The following PCDH11X variants were observed in gnomAD, a reference collection of about 807,000 sequenced individuals.
PCDH11X encodes the protein protocadherin 11 X-linked, also known as protocadherin-11 X-linked.
In PCDH11X, 18 loss-of-function variants were observed where a neutral mutation model predicts 53.3. That is an observed-to-expected ratio of 0.34 (90% CI 0.23 to 0.50). The LOEUF (loss-of-function observed/expected upper bound fraction) is 0.50. Among genes scored for constraint, PCDH11X ranks in the 20% least tolerant of loss-of-function variants. The pLI is 0.98. For missense variants in PCDH11X, 570 were observed against 1,032.4 expected (o/e 0.55, Z 6.14); for synonymous variants, 279 against 393.3 (o/e 0.71, Z 3.44).
rs779399059 is a variant in PCDH11X at position 91,783,880 on chromosome X, A to C, written c.-379+4196A>C. Among the ~76,000 whole-genome samples the C allele has an allele frequency of 2.7e-5, 3 of 112,388 alleles. No homozygotes were observed. In the Admixed American group the frequency reaches 2.8e-4, roughly 11 times the overall value. On this transcript the variant is annotated intron_variant, in intron 1 of 10. Coordinates refer to ENST00000682573, the MANE Select transcript of PCDH11X (RefSeq NM_032968.5). ...AATTAGTCACCTACTGTGCCAGACA[A>C]TGTGATAAATGGTGTAATTGAACAT...
At chrX:92,361,196 G>T (rs2070338678) in intron 8 of PCDH11X, among the ~76,000 whole-genome samples, 1 of 108,134 alleles carries the variant, frequency 9.2e-6, no homozygotes, top group African/African-American at 3.4e-5. Context: ...TCTTTATTTT[G>T]GTTACTGTCT....
At chrX:92,578,601 T>G in intron 10 of PCDH11X, among the ~76,000 whole-genome samples, 1 of 110,068 alleles carries the variant, frequency 9.1e-6, no homozygotes, top group Non-Finnish European at 1.9e-5. Context: ...ATTTGCTTGG[T>G]AATTTTTTCT....
chrX:91,788,407 AT>A (rs2147515042), intron 1 of PCDH11X, among the ~76,000 whole-genome samples: 1 of 112,443 alleles, frequency 8.9e-6, no homozygotes, highest in East Asian at 2.8e-4. Flanking sequence ...TGCATTAAGT[AT>A]TTTATTTTTT....
chrX:92,120,155 C>CTTTTTTTTTT (rs764997941), intron 6 of PCDH11X, among the ~76,000 whole-genome samples: 33 of 60,675 alleles, frequency 5.4e-4, no homozygotes, highest in Non-Finnish European at 7.5e-4. Context: ...ACTTTTCTTT[C>CTTTTTTTTTT]TTTTTTTTTT....
chrX:92,200,464 CA>C (rs1439008550), intron 6 of PCDH11X, among the ~76,000 whole-genome samples: 3 of 111,977 alleles, frequency 2.7e-5, no homozygotes. Context: ...ATGGATATAT[CA>C]AAAAGATACT....
chrX:92,465,729 G>A (rs906773700), intron 9 of PCDH11X, among the ~76,000 whole-genome samples: 4 of 111,328 alleles, frequency 3.6e-5, no homozygotes, highest in African/African-American at 1.3e-4. Context: ...ATGCGATAAT[G>A]TAGCATGTTT....
chrX:92,204,370 A>G (rs2066441437), intron 7 of PCDH11X, among the ~76,000 whole-genome samples: 1 of 111,893 alleles, frequency 8.9e-6, no homozygotes, highest in Non-Finnish European at 1.9e-5. Flanking sequence ...CTTCTGCCAG[A>G]CACCATAAAT....
At chrX:92,067,473 T>C (rs1377042923) in intron 6 of PCDH11X, among the ~76,000 whole-genome samples, 1 of 111,836 alleles carries the variant, frequency 8.9e-6, no homozygotes, top group Non-Finnish European at 1.9e-5. Context: ...GATTTGTGTA[T>C]GTGGAGTCAT....
chrX:92,407,996 T>G (rs1372284775), intron 9 of PCDH11X, among the ~76,000 whole-genome samples: 1 of 109,390 alleles, frequency 9.1e-6, no homozygotes, highest in Non-Finnish European at 1.9e-5. Flanking sequence ...GCAATTCTCC[T>G]GCCTCAGCCT....
At chrX:91,975,277 G>A (rs968123137) in intron 6 of PCDH11X, among the ~76,000 whole-genome samples, 3 of 112,019 alleles carry the variant, frequency 2.7e-5, no homozygotes, top group Non-Finnish European at 5.6e-5. Context: ...GAAAAATAGA[G>A]ATGTCAAGAT....
intron 10 of PCDH11X, among the ~76,000 whole-genome samples, chrX:92,518,735 G>C (rs2074312360): frequency 9.5e-6 from 1 of 104,922 alleles, no homozygotes; most frequent in South Asian, 4.3e-4. Context: ...ATTCACTATG[G>C]CTTACCAATA....
chrX:92,344,492 T>TG (rs1284523136), intron 8 of PCDH11X, among the ~76,000 whole-genome samples: 1 of 102,654 alleles, frequency 9.7e-6, no homozygotes, highest in East Asian at 3.4e-4. Flanking sequence ...CTGGAATAGA[T>TG]GAGGGGGATT....
At chrX:92,398,993 C>G (rs4314818) in intron 9 of PCDH11X, among the ~76,000 whole-genome samples, 1 of 108,004 alleles carries the variant, frequency 9.3e-6, no homozygotes, top group East Asian at 3.1e-4. Flanking sequence ...GAGATTGAGA[C>G]CATCCTGGCT....
At chrX:92,475,946 T>C (rs2073373643) in intron 10 of PCDH11X, among the ~76,000 whole-genome samples, 1 of 111,659 alleles carries the variant, frequency 9.0e-6, no homozygotes, top group Non-Finnish European at 1.9e-5. Context: ...TTCTACTTGA[T>C]CAATTCTGTT....
rs765287080 is a variant in PCDH11X, at chrX:91,893,306, G to T, written c.3033+14033G>T. On this transcript the variant is annotated intron_variant, in intron 6 of 10. Coordinates refer to ENST00000682573, the MANE Select transcript of PCDH11X (RefSeq NM_032968.5). Reference sequence around the variant, plus strand: ...AAAGGAAAAATTTAATGCATTTATTGATCTGGATATAGTCCATATACAAAG... The same window carrying T: ...AAAGGAAAAATTTAATGCATTTATTTATCTGGATATAGTCCATATACAAAG... 3.7e-5 allele frequency among the ~76,000 whole-genome samples: 4 copies of T among 108,041 alleles called. No homozygotes were observed. The South Asian group carries it at 1.6e-3, about 44-fold the overall frequency. The allele number at this position is 108,041 out of a possible 115,157, so 93.8% of individuals were successfully genotyped here.
chrX:91,892,732 C>T (rs1343283623), intron 6 of PCDH11X, among the ~76,000 whole-genome samples: 2 of 106,214 alleles, frequency 1.9e-5, no homozygotes, highest in Non-Finnish European at 3.9e-5. Flanking sequence ...GACGGAATCT[C>T]GCTCTGTTGC....
rs181019848 is a variant in PCDH11X, at chrX:92,333,412, C to A, written c.3145-54323C>A. ...AGTGATGAAATTATTCCTACCTGTT[C>A]GAGGCAGCATTCTGTACTAAATAAC... On this transcript the variant is annotated intron_variant, in intron 8 of 10. Coordinates refer to ENST00000682573, the MANE Select transcript of PCDH11X (RefSeq NM_032968.5). 1.6e-4 allele frequency among the ~76,000 whole-genome samples: 18 copies of A among 111,003 alleles called. No individual in the cohort carries two copies. In the Admixed American group the frequency reaches 1.7e-3, roughly 11 times the overall value.
In PCDH11X at chrX:92,293,548, A is replaced by G. The variant is rs768061788; in HGVS notation, c.3144+30405A>G. 8.5e-4 allele frequency among the ~76,000 whole-genome samples: 90 copies of G among 106,386 alleles called. 1 individual carries two copies. Among genetic ancestry groups the G allele is most frequent in the African/African-American group, 2.2e-3 (61 of 27,963 alleles). The allele number at this position is 106,386 out of a possible 115,157, so 92.4% of individuals were successfully genotyped here. On this transcript the variant is annotated intron_variant, in intron 8 of 10. Transcript: ENST00000682573. ...CTGAGGCAGGAGAATGGAGTGAACC[A>G]GGAGGCGGAGCTGGCAGTAAGCCGA... is the stretch of plus-strand genomic sequence containing the variant.
At chrX:92,209,787 C>T (rs2066546734) in intron 7 of PCDH11X, among the ~76,000 whole-genome samples, 1 of 112,523 alleles carries the variant, frequency 8.9e-6, no homozygotes, top group African/African-American at 3.2e-5. Context: ...AGGGCTTCAT[C>T]ACATGCAGCA....
Sources: gnomAD v4.1 joint callset for allele counts (sites outside exome capture counted in the v4.1 genomes callset) on GRCh38, gnomAD v4.1.1 for gene constraint, MANE v1.5 for transcripts, NCBI Gene and HGNC (gene_info 2026-07-23, HGNC 2026-07-21) for gene names.